Variants in HSF2BP observed in about 807,000 individuals in gnomAD.
The protein encoded by HSF2BP is heat shock factor 2-binding protein.
In HSF2BP, 35 loss-of-function variants were observed where a neutral mutation model predicts 35.0. That is an observed-to-expected ratio of 1.00 (90% CI 0.76 to 1.32). The LOEUF (loss-of-function observed/expected upper bound fraction) is 1.32. Ranked by LOEUF, HSF2BP falls within the 40% of genes most tolerant of loss-of-function variation. HSF2BP has a pLI of 0.00. For synonymous variants in HSF2BP, 114 were observed against 117.4 expected, an observed-to-expected ratio of 0.97 and a Z score of 0.18; for missense variants, 326 against 321.7, an observed-to-expected ratio of 1.01 and a Z score of -0.10.
intron 3 of HSF2BP, among the ~76,000 whole-genome samples, chr21:43,647,566 G>A (rs1311617881): frequency 6.6e-6 from 1 of 152,192 alleles, no homozygotes; most frequent in Non-Finnish European, 1.5e-5. Context: ...AATAACATGA[G>A]AATGGCTGTG....
intron 5 of HSF2BP, 22 bp from the exon 6 acceptor site, chr21:43,630,476 T>G: frequency 6.2e-7 from 1 of 1,602,420 alleles, no homozygotes; most frequent in Non-Finnish European, 8.5e-7. Context: ...AAAATCAGAG[T>G]GTCATATCTT....
At chr21:43,494,128 A>AC in the HSF2BP span, among the ~76,000 whole-genome samples, 1 of 26,078 alleles carries the variant, frequency 3.8e-5, no homozygotes, top group African/African-American at 1.2e-4. Flanking sequence ...CCCCAACACA[A>AC]TCCCCCTGAC....
intron 3 of HSF2BP, among the ~76,000 whole-genome samples, chr21:43,650,978 G>C: frequency 6.6e-6 from 1 of 152,082 alleles, no homozygotes; most frequent in Non-Finnish European, 1.5e-5. Flanking sequence ...AAAGTGTTGG[G>C]ATTACAGGCG....
chr21:43,619,814 G>A (rs937232523), intron 6 of HSF2BP, among the ~76,000 whole-genome samples: 1 of 152,202 alleles, frequency 6.6e-6, no homozygotes, highest in Non-Finnish European at 1.5e-5. Flanking sequence ...CCCTGGAAAC[G>A]CTGCTCTGTA....
At chr21:43,624,283 A>C (rs1022533852) in intron 6 of HSF2BP, among the ~76,000 whole-genome samples, 19 of 152,242 alleles carry the variant, frequency 1.2e-4, no homozygotes, top group Admixed American at 1.2e-3. Flanking sequence ...TGACAACAGA[A>C]GACCAGTAAG....
intron 8 of HSF2BP, among the ~76,000 whole-genome samples, chr21:43,581,852 G>GGGCCTGCTGAGGGAGATGAT (rs2081739484): frequency 6.7e-6 from 1 of 150,274 alleles, no homozygotes; most frequent in Admixed American, 6.6e-5. Flanking sequence ...AGGGAGATGA[G>GGGCCTGCTGAGGGAGATGAT]GGCCTGCTGA....
intron 6 of HSF2BP, among the ~76,000 whole-genome samples, chr21:43,628,856 A>G (rs2146989175): frequency 6.6e-6 from 1 of 152,200 alleles, no homozygotes; most frequent in East Asian, 1.9e-4. Flanking sequence ...AGCCCTTAAG[A>G]ATTATGCTAA....
chr21:43,635,868 G>A (rs1442775788), intron 4 of HSF2BP, among the ~76,000 whole-genome samples: 1 of 148,566 alleles, frequency 6.7e-6, no homozygotes, highest in Non-Finnish European at 1.5e-5. Context: ...GGGGGCGACT[G>A]CAGTGAGCCG....
intron 7 of HSF2BP, among the ~76,000 whole-genome samples, chr21:43,604,305 T>C (rs62226866): frequency 0.67 from 92,355 of 137,322 alleles, 29,682 homozygotes; most frequent in East Asian, 0.78. Context: ...ACACACACCA[T>C]GCACAAACCA....
In HSF2BP at chr21:43,639,270, A is replaced by G. The variant is rs539458422; in HGVS notation, c.291+5019T>C. ...AAAAATTCTTAGACATAACAACAAGAAAACAGTCTATAAAAGGAGAAATCA... is the reference window on the plus strand; with the variant it reads ...AAAAATTCTTAGACATAACAACAAGGAAACAGTCTATAAAAGGAGAAATCA... On this transcript the variant is annotated intron_variant, in intron 4 of 8. Transcript: ENST00000291560. Among the ~76,000 whole-genome samples, 45 of 152,368 alleles carry G rather than the reference A, an allele frequency of 3.0e-4. 1 individual carries two copies. The highest frequency in any genetic ancestry group is 1.4e-3 in the South Asian group (7 of 4,828).
At chr21:43,653,730 T>A (rs1477290451) in intron 3 of HSF2BP, among the ~76,000 whole-genome samples, 1 of 152,180 alleles carries the variant, frequency 6.6e-6, no homozygotes, top group African/African-American at 2.4e-5. Context: ...CTACTCAGGC[T>A]ACAGTGTGTC....
At chr21:43,587,085 C>T (rs1044689970) in intron 8 of HSF2BP, among the ~76,000 whole-genome samples, 1 of 152,134 alleles carries the variant, frequency 6.6e-6, no homozygotes, top group Non-Finnish European at 1.5e-5. Context: ...AAAACAGTCC[C>T]ACTACCACCA....
chr21:43,644,319 G>T lies in HSF2BP; in HGVS notation c.261C>A (p.Thr87=). 6.2e-7 allele frequency: 1 copy of T among 1,613,978 alleles called. No individual in the cohort carries two copies. The highest frequency in any genetic ancestry group is 8.5e-7 in the Non-Finnish European group (1 of 1,179,868). The stretch of plus-strand genomic sequence containing the variant: ...TCTCTCTTATGTTGTCGGCCTGCAC[G>T]GTTTCCAGGCGGGCTTTAAAGTGCT... ...DCEHFKARLE[T]VQADNIREKK... Residue 87 remains threonine (T), a synonymous_variant, in exon 4 of 9, where the codon ACC becomes ACA. Coordinates refer to ENST00000291560, the MANE Select transcript of HSF2BP (RefSeq NM_007031.2).
intron 4 of HSF2BP, among the ~76,000 whole-genome samples, chr21:43,639,499 AC>A (rs574023381): frequency 6.4e-4 from 97 of 152,338 alleles, no homozygotes; most frequent in Admixed American, 3.9e-3. Flanking sequence ...CACGAAAAAA[AC>A]ATTTCATAAA....
chr21:43,576,445 A>C (rs2081645130), intron 8 of HSF2BP, among the ~76,000 whole-genome samples: 1 of 152,232 alleles, frequency 6.6e-6, no homozygotes, highest in Admixed American at 6.5e-5. Flanking sequence ...TCCCATAAGG[A>C]AAGGCTCTAG....
chr21:43,638,786 T>C (rs764475178), intron 4 of HSF2BP, among the ~76,000 whole-genome samples: 2 of 152,248 alleles, frequency 1.3e-5, no homozygotes, highest in African/African-American at 2.4e-5. Context: ...GCAAGGTTTT[T>C]GTAGACATAA....
intron 8 of HSF2BP, among the ~76,000 whole-genome samples, chr21:43,587,065 C>T (rs946399968): frequency 1.3e-5 from 2 of 152,178 alleles, no homozygotes; most frequent in Non-Finnish European, 2.9e-5. Context: ...TGAAAACAGT[C>T]TAAATTCTGA....
At chr21:43,658,352 G>C in intron 1 of HSF2BP, 32 bp from the exon 2 acceptor site, 1 of 526,154 alleles carries the variant, frequency 1.9e-6, no homozygotes, top group Non-Finnish European at 3.3e-6. Context: ...AGCCCCTGAT[G>C]TAAGTGTCAA....
intron 3 of HSF2BP, 92 bp downstream of exon 3, chr21:43,656,495 A>T: frequency 8.4e-7 from 1 of 1,196,418 alleles, no homozygotes; most frequent in Non-Finnish European, 1.2e-6. Flanking sequence ...CTGTAAGAGT[A>T]CCTTAAAATT....
Sources: allele counts gnomAD v4.1 joint callset (sites outside exome capture counted in the v4.1 genomes callset), GRCh38; gene constraint gnomAD v4.1.1; transcripts MANE v1.5; gene names NCBI Gene and HGNC (gene_info 2026-07-23, HGNC 2026-07-21).